OASL: variants seen among roughly 807,000 people sequenced by gnomAD.
OASL encodes 2'-5'-oligoadenylate synthetase like, also known as 2'-5'-oligoadenylate synthase-like protein.
Under a neutral mutation model 35.3 loss-of-function variants are expected in OASL, and 28 were observed. That is an observed-to-expected ratio of 0.79 (90% confidence interval 0.59 to 1.09). The LOEUF is 1.09. OASL is among the 50% of genes least tolerant of loss of function. The pLI, the probability that OASL is intolerant of heterozygous loss-of-function variation, is 0.00. For missense variants in OASL, 620 were observed against 635.2 expected, an observed-to-expected ratio of 0.98 and a Z score of 0.26; for synonymous variants, 252 against 254.6, an observed-to-expected ratio of 0.99 and a Z score of 0.10.
chr12:121,022,231 C>A (rs1869272607), intron 5 of OASL, among the ~76,000 whole-genome samples: 1 of 152,050 alleles, frequency 6.6e-6, no homozygotes, highest in Non-Finnish European at 1.5e-5. Flanking sequence ...GGACTACAGG[C>A]ACATGCCACC....
At chr12:121,025,134 C>T (rs1306752020) in intron 4 of OASL, among the ~76,000 whole-genome samples, 1 of 151,922 alleles carries the variant, frequency 6.6e-6, no homozygotes, top group African/African-American at 2.4e-5. Context: ...CCCGCCACCA[C>T]GCCCAGCTAA....
At chr12:121,027,053 T>G (rs1000532486) in intron 4 of OASL, among the ~76,000 whole-genome samples, 4 of 151,976 alleles carry the variant, frequency 2.6e-5, no homozygotes, top group African/African-American at 9.7e-5. Context: ...CGAGAGGATA[T>G]GAATGGGACG....
intron 1 of OASL, among the ~76,000 whole-genome samples, 175 bp from the exon 2 acceptor site, chr12:121,033,918 C>T (rs1429856171): frequency 1.3e-5 from 2 of 152,084 alleles, no homozygotes; most frequent in African/African-American, 2.4e-5. Context: ...TGGAGGATCT[C>T]GAGACATGGG....
Position 121,038,890 on chromosome 12 carries a change from C to T in OASL, c.82G>A (p.Glu28Lys), listed in dbSNP as rs138743509. 589 of 1,614,178 alleles carry T rather than the reference C, an allele frequency of 3.6e-4. No homozygotes were observed. The African/African-American group carries it at 7.2e-3, about 20-fold the overall frequency. The stretch of plus-strand genomic sequence containing the variant: ...GCGTCTAGCACCTCTTCCTTCCACT[C>T]CCGGTGGGGCTGCAGCCACTGAGCC... Residue 28 changes from glutamate to lysine, a missense_variant, in exon 1 of 6, where the codon GAG (glutamate) becomes AAG (lysine). Transcript: ENST00000257570.
Position 121,033,504 on chromosome 12 carries a change from C to T in OASL, c.438G>A (p.Ala146=), listed in dbSNP as rs143705680. The change falls in exon 2 of 6, where the codon GCG becomes GCA. Residue 146 remains alanine, a synonymous_variant. Coordinates refer to ENST00000257570, the Ensembl canonical transcript of OASL. The stretch of plus-strand genomic sequence containing the variant: ...GCACAATGGTGACCGTGATGGGCTC[C>T]GCAGTCCCCCTGGTCTGGATGGTGA... The T allele has an allele frequency of 1.1e-4, 178 of 1,614,104 alleles. 1 individual carries two copies. In the African/African-American group the frequency reaches 1.5e-3, roughly 14 times the overall value.
At chr12:121,032,981 A>G (rs1869799650) in intron 2 of OASL, among the ~76,000 whole-genome samples, 2 of 151,636 alleles carry the variant, frequency 1.3e-5, no homozygotes, top group Admixed American at 1.3e-4. Flanking sequence ...GCTGGAGTGC[A>G]ATGGCGCGAT....
At chr12:121,036,471 A>G (rs998726159) in intron 1 of OASL, among the ~76,000 whole-genome samples, 1 of 152,138 alleles carries the variant, frequency 6.6e-6, no homozygotes, top group Non-Finnish European at 1.5e-5. Context: ...GCTTAGGTAA[A>G]TAGCATTTCC....
intron 5 of OASL, among the ~76,000 whole-genome samples, chr12:121,023,290 TTTTTC>T (rs1419975950): frequency 2.2e-5 from 3 of 134,176 alleles, no homozygotes; most frequent in Non-Finnish European, 3.3e-5. Context: ...TTTTTTTCTT[TTTTTC>T]TTTTTTTTTT....
intron 4 of OASL, among the ~76,000 whole-genome samples, chr12:121,024,631 C>T (rs1001486261): frequency 6.6e-6 from 1 of 151,732 alleles, no homozygotes; most frequent in African/African-American, 2.4e-5. Flanking sequence ...AAAAAAAATT[C>T]TTCTTCTTTG....
intron 5 of OASL, 190 bp downstream of exon 5, chr12:121,023,800 A>G: frequency 1.8e-6 from 1 of 550,188 alleles, no homozygotes; most frequent in Non-Finnish European, 3.2e-6. Context: ...TTTGAAGGTA[A>G]GAAACCCAAG....
chr12:121,020,987 A>AT lies in OASL; in HGVS notation c.1118dup (p.Tyr373Ter). The change falls in exon 6 of 6, where the codon TAT becomes TAAT. Residue 373 changes from tyrosine (Y) to a stop codon, truncating the protein, a stop_gained and frameshift_variant. Transcript: ENST00000257570. LOFTEE classifies it low-confidence loss of function (END_TRUNC). ...TCTCTTTAACCTTCCTTATGGGCTC[A>AT]TAAGGGTTCACGATGAGGTTGAAAT... is the stretch of plus-strand genomic sequence containing the variant. 6.2e-7 allele frequency: 1 copy of AT among 1,613,808 alleles called. No individual in the cohort carries two copies. The highest frequency in any genetic ancestry group is 8.5e-7 in the Non-Finnish European group (1 of 1,179,932).
chr12:121,024,043 G>A lies in OASL; in HGVS notation c.994C>T (p.Gln332Ter). 2 of 1,614,176 alleles carry A rather than the reference G, an allele frequency of 1.2e-6. No homozygotes were observed. The highest frequency in any genetic ancestry group is 1.7e-6 in the Non-Finnish European group (2 of 1,180,034). The change falls in exon 5 of 6, where the codon CAG (glutamine) becomes TAG (stop). Residue 332 changes from glutamine to a stop codon, truncating the protein, a stop_gained. Transcript: ENST00000257570. LOFTEE classifies it high-confidence loss of function. ...TCCCTGTTGTCATAGCAACAGTCCT[G>A]TTTCAGGCACTGGGAGGCCCTCTGA...
In OASL at chr12:121,033,827, CTGAA is replaced by C. The variant is rs540524237; in HGVS notation, c.199-88_199-85del. ...GCGGCACTTCACATGCACTGTCTCA[CTGAA>C]TGCTCACCACCCGCTGAGGGATGGG... On this transcript the variant is annotated intron_variant, in intron 1 of 5. Coordinates refer to ENST00000257570, the Ensembl canonical transcript of OASL. 88 of 1,442,002 alleles carry C rather than the reference CTGAA, an allele frequency of 6.1e-5. 1 individual carries two copies. The East Asian group carries it at 1.9e-3, about 31-fold the overall frequency. 89.3% of individuals were successfully genotyped at this position (1,442,002 alleles called of 1,614,324 possible). A position where few individuals can be genotyped will look rare whatever the true frequency, so the allele number is the denominator to read the frequency against.
At chr12:121,025,415 G>C (rs180987609) in intron 4 of OASL, among the ~76,000 whole-genome samples, 3 of 152,184 alleles carry the variant, frequency 2.0e-5, no homozygotes, top group Non-Finnish European at 4.4e-5. Context: ...ATATTGGCTT[G>C]AAGGGGATCT....
chr12:121,018,871 A>T (rs1869131636), downstream of OASL, among the ~76,000 whole-genome samples: 1 of 139,406 alleles, frequency 7.2e-6, no homozygotes, highest in Admixed American at 7.0e-5. Flanking sequence ...CTCCATCTCA[A>T]AAAAAAAAAA....
At chr12:121,035,066 G>A (rs1334253685) in intron 1 of OASL, among the ~76,000 whole-genome samples, 1 of 151,934 alleles carries the variant, frequency 6.6e-6, no homozygotes, top group African/African-American at 2.4e-5. Context: ...CAGACCCCCA[G>A]AAGGCTACTT....
rs544093597 is a variant in OASL, at chr12:121,027,476, A to C, written c.899+100T>G. The C allele has an allele frequency of 3.9e-5, 60 of 1,530,940 alleles. No homozygotes were observed. The South Asian group carries it at 6.6e-4, about 17-fold the overall frequency. 94.8% of individuals were successfully genotyped at this position (1,530,940 alleles called of 1,614,324 possible). A position where few individuals can be genotyped will look rare whatever the true frequency, so the allele number is the denominator to read the frequency against. On this transcript the variant is annotated intron_variant, in intron 4 of 5. Coordinates refer to ENST00000257570, the Ensembl canonical transcript of OASL. Reference sequence around the variant, plus strand: ...GATGCTCAACTATGGTGGCAGCCTTACTGCTTAATACAGCCAATCCATAAA... The same window carrying C: ...GATGCTCAACTATGGTGGCAGCCTTCCTGCTTAATACAGCCAATCCATAAA...
chr12:121,035,729 G>C (rs1366446336), intron 1 of OASL, among the ~76,000 whole-genome samples: 1 of 152,152 alleles, frequency 6.6e-6, no homozygotes, highest in African/African-American at 2.4e-5. Context: ...CGTGACCCAA[G>C]GCTGTGAGCC....
chr12:121,018,463 G>C (rs1450174671), downstream of OASL, among the ~76,000 whole-genome samples: 1 of 152,060 alleles, frequency 6.6e-6, no homozygotes, highest in Non-Finnish European at 1.5e-5. Flanking sequence ...GGCCCAAGGA[G>C]GGAGGGGAGG....
Sources: gnomAD v4.1 joint callset for allele counts (sites outside exome capture counted in the v4.1 genomes callset) on GRCh38, gnomAD v4.1.1 for gene constraint, MANE v1.5 for transcripts, NCBI Gene and HGNC (gene_info 2026-07-23, HGNC 2026-07-21) for gene names.